The following SOX5 variants were observed in gnomAD, a reference collection of about 807,000 sequenced individuals.
SOX5 encodes the protein transcription factor SOX-5.
SOX5 carries 9 observed loss-of-function variants against 92.0 expected under a neutral mutation model. The ratio of observed to expected loss-of-function variants is 0.10; its 90% CI spans 0.06 to 0.17. SOX5 has a LOEUF of 0.17. Among genes scored for constraint, SOX5 ranks in the 10% least tolerant of loss-of-function variants. The pLI is 1.00. For missense variants in SOX5, 642 were observed against 944.5 expected, an observed-to-expected ratio of 0.68 and a Z score of 4.20; for synonymous variants, 344 against 336.3, an observed-to-expected ratio of 1.02 and a Z score of -0.25.
chr12:23,948,947 A>G (rs1945071878), intron 1 of SOX5, among the ~76,000 whole-genome samples: 1 of 152,210 alleles, frequency 6.6e-6, no homozygotes, highest in Non-Finnish European at 1.5e-5. Flanking sequence ...TAGAAAGGGA[A>G]CAGCTCCATT....
At chr12:24,395,437 C>T (rs866590794) in intron 1 of SOX5, among the ~76,000 whole-genome samples, 15 of 152,178 alleles carry the variant, frequency 9.9e-5, no homozygotes, top group Non-Finnish European at 2.1e-4. Flanking sequence ...TTCCCAATTG[C>T]TCTCTAATCT....
At chr12:24,082,162 A>G (rs1211777764) in intron 4 of SOX5, among the ~76,000 whole-genome samples, 4 of 151,886 alleles carry the variant, frequency 2.6e-5, no homozygotes, top group Non-Finnish European at 5.9e-5. Context: ...TAGCCAGCAT[A>G]TGCATGACGG....
At chr12:23,966,165 C>T (rs1947534313) in intron 4 of SOX5, among the ~76,000 whole-genome samples, 1 of 119,350 alleles carries the variant, frequency 8.4e-6, no homozygotes, top group African/African-American at 3.3e-5. Context: ...TCCAGAATCC[C>T]CGCCTCCCCA....
At chr12:23,810,860 GTTAA>G (rs2095863934) in intron 3 of SOX5, among the ~76,000 whole-genome samples, 1 of 152,082 alleles carries the variant, frequency 6.6e-6, no homozygotes, top group African/African-American at 2.4e-5. Flanking sequence ...ATTCTCTTGG[GTTAA>G]TTAATATATT....
intron 10 of SOX5, among the ~76,000 whole-genome samples, chr12:23,573,946 A>G (rs1038366765): frequency 7.9e-5 from 12 of 151,996 alleles, no homozygotes; most frequent in African/African-American, 2.9e-4. Context: ...GTTGTTTTCT[A>G]CTTCTAAGTT....
At chr12:24,386,396 G>C (rs1958419392) in intron 1 of SOX5, among the ~76,000 whole-genome samples, 1 of 152,068 alleles carries the variant, frequency 6.6e-6, no homozygotes, top group Admixed American at 6.6e-5. Flanking sequence ...ACCAGGCCCT[G>C]TGTATTATAT....
chr12:24,006,760 T>TA (rs113395495), intron 4 of SOX5, among the ~76,000 whole-genome samples: 14,283 of 151,496 alleles, frequency 0.094, 659 homozygotes, highest in Middle Eastern at 0.12. Context: ...ATGGCTGTTT[T>TA]AAAAAAAAAT....
At chr12:23,723,566 T>TTATATATA (rs10679589) in intron 6 of SOX5, among the ~76,000 whole-genome samples, 3,794 of 144,610 alleles carry the variant, frequency 0.026, 77 homozygotes, top group African/African-American at 0.052. Context: ...AGGAGAAAAA[T>TTATATATA]TATATATATA....
rs147812505 is a variant in SOX5, at chr12:24,373,374, A to G, written c.-250-4735T>C. Among the ~76,000 whole-genome samples, 1,089 of 152,340 alleles carry G rather than the reference A, an allele frequency of 7.1e-3. 7 individuals carry two copies. The highest frequency in any genetic ancestry group is 0.012 in the Non-Finnish European group (832 of 68,034). On this transcript the variant is annotated intron_variant, in intron 1 of 4. Transcript: ENST00000446891. The stretch of plus-strand genomic sequence containing the variant: ...AAATGACCAAGTTAAATGACCTTCA[A>G]GATAAAGTCATTCATTCATTCATAC...
chr12:24,154,610 A>G (rs926342871), intron 4 of SOX5, among the ~76,000 whole-genome samples: 3 of 152,190 alleles, frequency 2.0e-5, no homozygotes, highest in Non-Finnish European at 4.4e-5. Context: ...GGCATTAAAA[A>G]AATTTATGAA....
At chr12:24,539,906 T>C (rs1285170017) in intron 1 of SOX5, among the ~76,000 whole-genome samples, 1 of 152,090 alleles carries the variant, frequency 6.6e-6, no homozygotes, top group Non-Finnish European at 1.5e-5. Context: ...TTCAAGCACA[T>C]GTAACCATAT....
chr12:24,497,900 G>A lies in SOX5; in HGVS notation c.-251+64429C>T, dbSNP rs1161168132. Among the ~76,000 whole-genome samples the A allele has an allele frequency of 2.6e-5, 4 of 152,282 alleles. No individual in the cohort carries two copies. In the East Asian group the frequency reaches 7.7e-4, roughly 29 times the overall value. ...AGAATGAGATCATATCCTCTGCAGG[G>A]ACATGGATGGAGCTGGAGGCCATTA... On this transcript the variant is annotated intron_variant, in intron 1 of 4. Coordinates refer to the SOX5 transcript ENST00000446891.
At chr12:24,352,975 G>A (rs1307344804) in intron 2 of SOX5, among the ~76,000 whole-genome samples, 1 of 152,164 alleles carries the variant, frequency 6.6e-6, no homozygotes, top group Non-Finnish European at 1.5e-5. Flanking sequence ...TCTAGAATGG[G>A]GCTCATGAAT....
intron 4 of SOX5, among the ~76,000 whole-genome samples, chr12:24,173,986 T>C (rs1283320036): frequency 6.7e-6 from 1 of 150,320 alleles, no homozygotes; most frequent in Non-Finnish European, 1.5e-5. Flanking sequence ...CTAAGGGTGC[T>C]TTTTTTGTTT....
In SOX5 at chr12:24,237,403, T is replaced by A. The variant is rs114307646; in HGVS notation, c.-76-23986A>T. On this transcript the variant is annotated intron_variant, in intron 3 of 4. Transcript: ENST00000446891. The stretch of plus-strand genomic sequence containing the variant: ...AGTTGATTAATTGAACTTTAATTGG[T>A]CAATATGAAAGTCGTTAATAATGTA... Among the ~76,000 whole-genome samples, 510 of 152,336 alleles carry A rather than the reference T, an allele frequency of 3.3e-3. 5 individuals carry two copies. The highest frequency in any genetic ancestry group is 0.012 in the African/African-American group (495 of 41,578).
At chr12:24,528,124 T>C (rs1950871933) in intron 1 of SOX5, among the ~76,000 whole-genome samples, 1 of 152,214 alleles carries the variant, frequency 6.6e-6, no homozygotes, top group African/African-American at 2.4e-5. Flanking sequence ...CTGGCTCATA[T>C]GCAGCATTTT....
At chr12:24,141,649 T>C (rs1950593474) in intron 4 of SOX5, among the ~76,000 whole-genome samples, 1 of 152,202 alleles carries the variant, frequency 6.6e-6, no homozygotes, top group South Asian at 2.1e-4. Context: ...CTTGCACTAG[T>C]GGATCCTAAT....
chr12:24,414,819 A>G (rs1162391789), intron 1 of SOX5, among the ~76,000 whole-genome samples: 1 of 152,188 alleles, frequency 6.6e-6, no homozygotes, highest in Non-Finnish European at 1.5e-5. Context: ...GCCATGTCCA[A>G]TGCTGTGCTC....
intron 9 of SOX5, among the ~76,000 whole-genome samples, chr12:23,586,106 T>C (rs1297610556): frequency 1.3e-5 from 2 of 152,084 alleles, no homozygotes; most frequent in East Asian, 3.9e-4. Flanking sequence ...TCCTTTCTTT[T>C]GCCTATTAAA....
Sources: gnomAD v4.1 joint callset for allele counts (sites outside exome capture counted in the v4.1 genomes callset) on GRCh38, gnomAD v4.1.1 for gene constraint, MANE v1.5 for transcripts, NCBI Gene and HGNC (gene_info 2026-07-23, HGNC 2026-07-21) for gene names.